IFT43: variants seen among roughly 807,000 people sequenced by gnomAD.
IFT43 encodes the protein intraflagellar transport protein 43 homolog.
IFT43 carries 33 observed loss-of-function variants against 32.3 expected under a neutral mutation model. The observed-to-expected ratio is 1.02, with a 90% CI of 0.77 to 1.37. The LOEUF (loss-of-function observed/expected upper bound fraction) is 1.37, where lower values mean the gene tolerates loss of function less well. Ranked by LOEUF, IFT43 falls within the 40% of genes most tolerant of loss-of-function variation. IFT43 has a pLI of 0.00. For synonymous variants in IFT43, 93 were observed against 98.2 expected (o/e 0.95, Z 0.31); for missense variants, 274 against 265.9 (o/e 1.03, Z -0.21).
At chr14:75,990,673 G>A (rs1037154015) in intron 2 of IFT43, among the ~76,000 whole-genome samples, 7 of 152,154 alleles carry the variant, frequency 4.6e-5, no homozygotes, top group African/African-American at 1.7e-4. Context: ...GGCACAGTTA[G>A]GAGAGGTGAT....
chr14:76,011,556 G>A (rs915273593), intron 2 of IFT43, among the ~76,000 whole-genome samples: 1 of 152,162 alleles, frequency 6.6e-6, no homozygotes, highest in African/African-American at 2.4e-5. Flanking sequence ...GTAATATATG[G>A]GTTGATTCTT....
At chr14:76,044,141 C>A (rs2036759739) in intron 3 of IFT43, among the ~76,000 whole-genome samples, 1 of 151,648 alleles carries the variant, frequency 6.6e-6, no homozygotes, top group Non-Finnish European at 1.5e-5. Flanking sequence ...CCTCCACCTT[C>A]CGCCCTATGT....
At chr14:75,987,170 A>G (rs1053009603) in intron 1 of IFT43, among the ~76,000 whole-genome samples, 2 of 152,240 alleles carry the variant, frequency 1.3e-5, no homozygotes, top group Non-Finnish European at 2.9e-5. Flanking sequence ...CGACAAGATC[A>G]TTGAATTTTT....
intron 3 of IFT43, among the ~76,000 whole-genome samples, chr14:76,049,077 A>C (rs1342951999): frequency 6.6e-6 from 1 of 152,234 alleles, no homozygotes; most frequent in Non-Finnish European, 1.5e-5. Flanking sequence ...GTACAGGAAA[A>C]GTAAAAGACC....
intron 3 of IFT43, among the ~76,000 whole-genome samples, chr14:76,050,518 C>G (rs1251939087): frequency 2.0e-5 from 3 of 151,886 alleles, no homozygotes; most frequent in African/African-American, 7.3e-5. Flanking sequence ...GATGAGGTCT[C>G]GCTGTGTTGC....
At chr14:75,989,591 G>C (rs1000868274) in intron 2 of IFT43, among the ~76,000 whole-genome samples, 1 of 151,910 alleles carries the variant, frequency 6.6e-6, no homozygotes, top group South Asian at 2.1e-4. Flanking sequence ...TCAGCCTCAG[G>C]GTCATCCTCT....
At chr14:76,031,520 C>G (rs1162751559) in intron 3 of IFT43, among the ~76,000 whole-genome samples, 1 of 152,164 alleles carries the variant, frequency 6.6e-6, no homozygotes, top group Non-Finnish European at 1.5e-5. Flanking sequence ...AAATGCAGGT[C>G]TCATCTACTA....
intron 3 of IFT43, among the ~76,000 whole-genome samples, chr14:76,048,331 C>G (rs1379850782): frequency 3.9e-5 from 6 of 152,214 alleles, no homozygotes; most frequent in Non-Finnish European, 8.8e-5. Flanking sequence ...GTTGTGTCCC[C>G]TGAGCCAGCC....
intron 5 of IFT43, among the ~76,000 whole-genome samples, chr14:76,077,499 A>G (rs1349848737): frequency 7.2e-5 from 11 of 152,150 alleles, no homozygotes; most frequent in Admixed American, 7.2e-4. Context: ...GAATGCACAG[A>G]TGCCTGGGAT....
chr14:76,060,498 C>T (rs967066048), intron 5 of IFT43, among the ~76,000 whole-genome samples: 8 of 151,790 alleles, frequency 5.3e-5, no homozygotes, highest in Non-Finnish European at 7.4e-5. Context: ...AGATTACAGC[C>T]GTGAGCCACC....
At chr14:76,058,540 T>A (rs2037068829) in intron 3 of IFT43, 102 bp from the exon 4 acceptor site, 1 of 1,356,718 alleles carries the variant, frequency 7.4e-7, no homozygotes, top group South Asian at 1.2e-5. Context: ...GCACTTGAGA[T>A]ATACTAATTT....
At chr14:76,052,185 G>A (rs1329411857) in intron 3 of IFT43, among the ~76,000 whole-genome samples, 1 of 152,170 alleles carries the variant, frequency 6.6e-6, no homozygotes, top group East Asian at 1.9e-4. Context: ...GGTTAACGGT[G>A]TCTAATTAAC....
In IFT43 at chr14:76,083,349, C is replaced by A. The variant is rs369065756; in HGVS notation, c.507+60C>A. The A allele has an allele frequency of 3.1e-6, 5 of 1,609,912 alleles. No homozygotes were observed. The African/African-American group carries it at 4.0e-5, about 13-fold the overall frequency. ...CTCTGGCATTCCCATAACCAGCCGA[C>A]TCCCGGGCTGGCCTGTGCCTCCCTG... On this transcript the variant is annotated intron_variant, in intron 8 of 8. Transcript: ENST00000314067.
At chr14:75,986,446 CAAAA>C in intron 1 of IFT43, 4 of 147,514 alleles carry the variant, frequency 2.7e-5, no homozygotes, top group East Asian at 2.1e-4. Flanking sequence ...TGCCTGGGTT[CAAAA>C]AAAAAAAAAA....
intron 3 of IFT43, among the ~76,000 whole-genome samples, chr14:76,044,944 C>A (rs1410754826): frequency 6.6e-6 from 1 of 152,094 alleles, no homozygotes; most frequent in East Asian, 1.9e-4. Context: ...TATTGTAATA[C>A]AGTATATAGC....
intron 5 of IFT43, among the ~76,000 whole-genome samples, chr14:76,068,948 A>G (rs772046927): frequency 1.3e-5 from 2 of 152,220 alleles, no homozygotes; most frequent in Non-Finnish European, 2.9e-5. Flanking sequence ...GGCTTAAACA[A>G]ATAGTCACAC....
rs537054804 is a variant in IFT43 at position 76,010,034 on chromosome 14, A to ATCC, written c.148-12289_148-12287dup. On this transcript the variant is annotated intron_variant, in intron 2 of 8. Transcript: ENST00000314067. ...GGTCTTGAACTCCTGACCTCAGGTG[A>ATCC]TCCTCCCTCCTCGGCCTCCCAAAGG... Among the ~76,000 whole-genome samples the ATCC allele has an allele frequency of 4.0e-4, 61 of 152,258 alleles. No individual in the cohort carries two copies. The East Asian group carries it at 8.3e-3, about 21-fold the overall frequency.
intron 5 of IFT43, chr14:76,059,643 T>C: frequency 6.3e-6 from 3 of 477,228 alleles, no homozygotes; most frequent in South Asian, 4.1e-5. Context: ...CCCATCCCAC[T>C]CCCTCTCTCA....
intron 5 of IFT43, among the ~76,000 whole-genome samples, chr14:76,071,729 T>A (rs1373907037): frequency 1.3e-5 from 2 of 152,242 alleles, no homozygotes; most frequent in African/African-American, 4.8e-5. Context: ...CCTTTCTTTT[T>A]AATATAATTT....
Sources: allele counts gnomAD v4.1 joint callset (sites outside exome capture counted in the v4.1 genomes callset), GRCh38; gene constraint gnomAD v4.1.1; transcripts MANE v1.5; gene names NCBI Gene and HGNC (gene_info 2026-07-23, HGNC 2026-07-21).